The following FBN2 variants were observed in gnomAD, a reference collection of about 807,000 sequenced individuals.
The protein encoded by FBN2 is fibrillin-2.
A neutral mutation model predicts 355.6 loss-of-function variants in FBN2; 105 were observed. The observed-to-expected ratio is 0.30, with a 90% CI of 0.25 to 0.35. The LOEUF (loss-of-function observed/expected upper bound fraction) is 0.35, where lower values mean the gene tolerates loss of function less well. Ranked by LOEUF, FBN2 falls within the 10% of genes least tolerant of loss-of-function variation. The pLI, the probability that FBN2 is intolerant of heterozygous loss-of-function variation, is 1.00. For missense variants in FBN2, 3,280 were observed against 3,758.7 expected (o/e 0.87, Z 3.33); for synonymous variants, 1,350 against 1,301.2 (o/e 1.04, Z -0.81).
intron 48 of FBN2, among the ~76,000 whole-genome samples, chr5:128,294,748 A>C (rs979505636): frequency 6.6e-6 from 1 of 151,272 alleles, no homozygotes; most frequent in African/African-American, 2.4e-5. Context: ...GCCCTTTGTC[A>C]GAGTAGGTTG....
Position 128,259,498 on chromosome 5 carries a change from A to G in FBN2, c.8696T>C (p.Leu2899Pro), listed in dbSNP as rs750384876. Residue 2899 changes from leucine (L) to proline (P), a missense_variant, in exon 65 of 65, where the codon CTT becomes CCT. Leu to Pro is a moderately conservative substitution (Grantham distance 98, BLOSUM62 -3). Around this residue, in one of 6 missense-constraint regions of FBN2, gnomAD observed 311 missense variants for 319.1 expected, o/e 0.97. Transcript: ENST00000262464. ...CAGCCTCATTCTGAGAGCCTCCCCA[A>G]GCTCCCCTAGGAGGTAGTCATCCTC... ...SNEDDYLLGE[L>P]GEALRMRLQI... 10 of 1,613,536 alleles carry G rather than the reference A, an allele frequency of 6.2e-6. No individual in the cohort carries two copies. Among genetic ancestry groups the G allele is most frequent in the Middle Eastern group, 1.7e-4 (1 of 5,822 alleles).
chr5:128,363,146 T>C lies in FBN2; in HGVS notation c.2429-1298A>G, dbSNP rs1243413256. ...AATTGTGACTGCATCACAATTTTCTTTCTCTCTTTCTTTCTCCACTCCCCT... is the reference window on the plus strand; with the variant it reads ...AATTGTGACTGCATCACAATTTTCTCTCTCTCTTTCTTTCTCCACTCCCCT... On this transcript the variant is annotated intron_variant, in intron 18 of 64. Coordinates refer to ENST00000262464, the MANE Select transcript of FBN2 (RefSeq NM_001999.4). Among the ~76,000 whole-genome samples the C allele has an allele frequency of 2.0e-5, 3 of 152,034 alleles. No individual in the cohort carries two copies. The East Asian group carries it at 5.8e-4, about 29-fold the overall frequency.
At chr5:128,497,596 T>C (rs535838111) in intron 5 of FBN2, among the ~76,000 whole-genome samples, 2 of 152,310 alleles carry the variant, frequency 1.3e-5, no homozygotes, top group South Asian at 4.1e-4. Context: ...GTATAGTCGA[T>C]CTAGACTTCT....
chr5:128,454,312 T>C (rs1269784475), intron 6 of FBN2, among the ~76,000 whole-genome samples: 1 of 152,210 alleles, frequency 6.6e-6, no homozygotes, highest in Non-Finnish European at 1.5e-5. Context: ...AGGAATATTC[T>C]GTTATCTTTA....
rs1241438345 is a variant in FBN2 at position 128,305,602 on chromosome 5, G to A, written c.5583C>T (p.Cys1861=). The change falls in exon 44 of 65, where the codon TGC becomes TGT. Residue 1861 remains cysteine, a synonymous_variant. Coordinates refer to ENST00000262464, the MANE Select transcript of FBN2 (RefSeq NM_001999.4). ...TATTGATGCAGTCTGCATTCCGCTG[G>A]CAGAGATTATCACCATTGCTGCACT... The part of the protein sequence containing the change: ...IDECSNGDNL[C]QRNADCINSP... The A allele has an allele frequency of 1.9e-6, 3 of 1,613,902 alleles. No individual in the cohort carries two copies. The highest frequency in any genetic ancestry group is 2.5e-6 in the Non-Finnish European group (3 of 1,179,868).
At chr5:128,276,784 A>G (rs1431647069) in intron 58 of FBN2, among the ~76,000 whole-genome samples, 1 of 152,162 alleles carries the variant, frequency 6.6e-6, no homozygotes, top group African/African-American at 2.4e-5. Context: ...CTCTGAGCAC[A>G]ACTTTCTTTT....
chr5:128,514,689 C>T (rs566640017), intron 5 of FBN2, among the ~76,000 whole-genome samples: 22 of 152,254 alleles, frequency 1.4e-4, no homozygotes, highest in Admixed American at 9.2e-4. Flanking sequence ...TTACATCTTG[C>T]TTGTCCTTTT....
intron 5 of FBN2, among the ~76,000 whole-genome samples, chr5:128,468,371 T>C (rs915158643): frequency 2.0e-5 from 3 of 152,236 alleles, no homozygotes; most frequent in African/African-American, 7.2e-5. Flanking sequence ...TGGGATATTA[T>C]AAATAATGCT....
At chr5:128,481,494 A>C (rs946681908) in intron 5 of FBN2, among the ~76,000 whole-genome samples, 2 of 152,192 alleles carry the variant, frequency 1.3e-5, no homozygotes, top group African/African-American at 4.8e-5. Context: ...CAGTATGTGA[A>C]CTTATGGGAG....
intron 7 of FBN2, among the ~76,000 whole-genome samples, chr5:128,438,857 T>C (rs773724683): frequency 2.6e-5 from 4 of 152,170 alleles, no homozygotes; most frequent in Non-Finnish European, 5.9e-5. Context: ...GGGCACTCAA[T>C]GTGAAATCTC....
At chr5:128,379,449 G>A (rs1278186904) in intron 11 of FBN2, among the ~76,000 whole-genome samples, 1 of 152,030 alleles carries the variant, frequency 6.6e-6, no homozygotes, top group Non-Finnish European at 1.5e-5. Context: ...AAAAACATGA[G>A]GGAGTAGAAA....
intron 31 of FBN2, among the ~76,000 whole-genome samples, chr5:128,333,823 A>G (rs1750757952): frequency 6.9e-6 from 1 of 144,988 alleles, no homozygotes; most frequent in Non-Finnish European, 1.5e-5. Context: ...ACGATTACAT[A>G]TTATAGATGC....
chr5:128,408,840 T>G, intron 7 of FBN2, 41 bp from the exon 8 acceptor site: 1 of 1,611,774 alleles, frequency 6.2e-7, no homozygotes. Context: ...AGAAAGGCCT[T>G]CATTAAATAG....
At chr5:128,264,841 T>C (rs1347044032) in intron 62 of FBN2, among the ~76,000 whole-genome samples, 2 of 152,118 alleles carry the variant, frequency 1.3e-5, no homozygotes, top group East Asian at 3.9e-4. Flanking sequence ...CTCAGTGAGA[T>C]TTGGAAGATG....
chr5:128,373,711 T>C (rs893520197), intron 15 of FBN2, among the ~76,000 whole-genome samples: 4 of 152,210 alleles, frequency 2.6e-5, no homozygotes, highest in African/African-American at 4.8e-5. Flanking sequence ...TCTGCTATCC[T>C]TATCACTGGA....
chr5:128,453,776 C>T (rs1025259159), intron 6 of FBN2, among the ~76,000 whole-genome samples: 1 of 152,136 alleles, frequency 6.6e-6, no homozygotes, highest in Non-Finnish European at 1.5e-5. Context: ...TTCCACAAGG[C>T]ATAGTCCTGA....
chr5:128,265,015 T>C (rs1765084792), intron 62 of FBN2, among the ~76,000 whole-genome samples: 1 of 152,236 alleles, frequency 6.6e-6, no homozygotes, highest in Admixed American at 6.5e-5. Context: ...TCTTAATCAC[T>C]GAATATAAAA....
rs863223583 is a variant in FBN2 at position 128,288,515 on chromosome 5, G to A, written c.6680C>T (p.Thr2227Ile). 6 of 1,613,576 alleles carry A rather than the reference G, an allele frequency of 3.7e-6. No individual in the cohort carries two copies. The highest frequency in any genetic ancestry group is 5.1e-6 in the Non-Finnish European group (6 of 1,179,572). ...CSIGNPCGNG[T>I]CTNVIGSFEC... ...AAAACTCCCAATAACATTGGTGCATGTACCATTTCCACACGGATTGCCGAT... is the reference window on the plus strand; with the variant it reads ...AAAACTCCCAATAACATTGGTGCATATACCATTTCCACACGGATTGCCGAT... The change falls in exon 53 of 65, where the codon ACA (threonine) becomes ATA (isoleucine). Residue 2227 changes from threonine (T) to isoleucine (I), a missense_variant. Thr to Ile is a moderately conservative substitution (Grantham distance 89). Coordinates refer to ENST00000262464, the MANE Select transcript of FBN2 (RefSeq NM_001999.4).
At chr5:128,268,813 T>A (rs190624265) in intron 62 of FBN2, among the ~76,000 whole-genome samples, 7 of 152,168 alleles carry the variant, frequency 4.6e-5, no homozygotes, top group Non-Finnish European at 8.8e-5. Flanking sequence ...AAGCCTTTGA[T>A]AAAACTCAAC....
Sources: allele counts gnomAD v4.1 joint callset (sites outside exome capture counted in the v4.1 genomes callset), GRCh38; gene constraint gnomAD v4.1.1; regional missense constraint gnomAD v4.1.1; transcripts MANE v1.5; gene names NCBI Gene and HGNC (gene_info 2026-07-23, HGNC 2026-07-21).